Variants in YWHAG observed in about 807,000 individuals in gnomAD.
YWHAG encodes tyrosine 3-monooxygenase/tryptophan 5-monooxygenase activation protein gamma.
Under a neutral mutation model 23.3 loss-of-function variants are expected in YWHAG, and 1 was observed. The ratio of observed to expected loss-of-function variants is 0.04; its 90% confidence interval spans 0.02 to 0.20. The LOEUF is 0.20. Among genes scored for constraint, YWHAG ranks in the 10% least tolerant of loss-of-function variants. YWHAG has a pLI of 1.00. For missense variants in YWHAG, 151 were observed against 338.6 expected, an observed-to-expected ratio of 0.45 and a Z score of 4.35; for synonymous variants, 160 against 144.0, an observed-to-expected ratio of 1.11 and a Z score of -0.80.
At chr7:76,342,875 A>G (rs1186809780) in intron 1 of YWHAG, among the ~76,000 whole-genome samples, 1 of 152,022 alleles carries the variant, frequency 6.6e-6, no homozygotes, top group African/African-American at 2.4e-5. Context: ...AGTGGCTCAC[A>G]CCTGTAATCC....
chr7:76,330,842 T>C (rs1583982098), intron 1 of YWHAG, among the ~76,000 whole-genome samples: 1 of 152,086 alleles, frequency 6.6e-6, no homozygotes, highest in Admixed American at 6.6e-5. Context: ...CAACCAGCAA[T>C]ACAAAAGAAC....
At chr7:76,354,439 AG>A (rs1293134123) in intron 1 of YWHAG, among the ~76,000 whole-genome samples, 1 of 151,954 alleles carries the variant, frequency 6.6e-6, no homozygotes, top group African/African-American at 2.4e-5. Context: ...TGAACCTGGG[AG>A]GCAGAGGTTG....
chr7:76,343,323 T>C (rs921216044), intron 1 of YWHAG, among the ~76,000 whole-genome samples: 2 of 150,444 alleles, frequency 1.3e-5, no homozygotes, highest in African/African-American at 4.8e-5. Context: ...GCACATATTG[T>C]GGAAGCAGAA....
chr7:76,347,538 A>G (rs1803798415), intron 1 of YWHAG, among the ~76,000 whole-genome samples: 1 of 152,156 alleles, frequency 6.6e-6, no homozygotes, highest in Non-Finnish European at 1.5e-5. Context: ...GTGAGCTGAG[A>G]TCGTGCCATT....
In YWHAG at chr7:76,329,489, T is replaced by TGCCG; in HGVS notation, c.*87_*88insCGGC. 7.8e-6 allele frequency: 8 copies of TGCCG among 1,024,220 alleles called. No individual in the cohort carries two copies. Among genetic ancestry groups the TGCCG allele is most frequent in the Non-Finnish European group, 8.1e-6 (6 of 740,074 alleles). 63.4% of individuals were successfully genotyped at this position (1,024,220 alleles called of 1,614,324 possible). On this transcript the variant is annotated 3_prime_UTR_variant, in exon 2 of 2. Transcript: ENST00000307630. The surrounding 1 kb of genome is among the most constrained non-coding windows in gnomAD (Gnocchi z 6.1). ...TCCCTGGGAAGGTCATCCCTCCCTT[T>TGCCG]CCCTCCCCCACCCGACCCCCAACTC...
chr7:76,353,324 G>A (rs753272492), intron 1 of YWHAG, among the ~76,000 whole-genome samples: 2 of 151,560 alleles, frequency 1.3e-5, no homozygotes, highest in East Asian at 1.9e-4. Context: ...GTAATTCTCC[G>A]GCCTCAGCCT....
At chr7:76,353,912 C>T (rs1298750918) in intron 1 of YWHAG, among the ~76,000 whole-genome samples, 2 of 151,572 alleles carry the variant, frequency 1.3e-5, no homozygotes, top group Non-Finnish European at 2.9e-5. Context: ...CTACAAAAAA[C>T]GGTACAAAAA....
At chr7:76,341,789 T>C (rs959936178) in intron 1 of YWHAG, among the ~76,000 whole-genome samples, 1 of 152,176 alleles carries the variant, frequency 6.6e-6, no homozygotes, top group Non-Finnish European at 1.5e-5. Context: ...TTTGGGTTGA[T>C]GGCATGTTCT....
rs1156690516 is a variant in YWHAG, at chr7:76,358,817, G to T, written c.-9C>A. 6.3e-7 allele frequency: 1 copy of T among 1,589,422 alleles called. No homozygotes were observed. The highest frequency in any genetic ancestry group is 1.8e-5 in the Admixed American group (1 of 57,098). The stretch of plus-strand genomic sequence containing the variant: ...TGCTCGCGGTCCACCATCTTCGCGG[G>T]GCTGGGTCTGGCCGGAGAAGGAGGA... On this transcript the variant is annotated 5_prime_UTR_variant, in exon 1 of 2. Transcript: ENST00000307630.
In YWHAG at chr7:76,329,478, ATCCCTCCCTT is replaced by A; in HGVS notation, c.*89_*98del. 1.6e-6 allele frequency: 2 copies of A among 1,244,440 alleles called. No individual in the cohort carries two copies. The highest frequency in any genetic ancestry group is 2.2e-6 in the Non-Finnish European group (2 of 920,116). 77.1% of individuals were successfully genotyped at this position (1,244,440 alleles called of 1,614,324 possible). The stretch of plus-strand genomic sequence containing the variant: ...TCGTGGGTTTCTCCCTGGGAAGGTC[ATCCCTCCCTT>A]TCCCTCCCCCACCCGACCCCCAACT... On this transcript the variant is annotated 3_prime_UTR_variant, in exon 2 of 2. Transcript: ENST00000307630. This position sits in a 1 kb window ranked among gnomAD's most constrained non-coding sequence, Gnocchi z 6.1.
At chr7:76,334,513 G>A (rs965944515) in intron 1 of YWHAG, among the ~76,000 whole-genome samples, 1 of 147,458 alleles carries the variant, frequency 6.8e-6, no homozygotes, top group African/African-American at 2.5e-5. Context: ...CTGCAGCCAC[G>A]CCACAAACTC....
chr7:76,343,793 C>T (rs1050802915), intron 1 of YWHAG, among the ~76,000 whole-genome samples: 2 of 152,168 alleles, frequency 1.3e-5, no homozygotes, highest in African/African-American at 2.4e-5. Flanking sequence ...GACCTTCCAC[C>T]ACCACGTGAA....
chr7:76,340,368 G>A (rs1189811552), intron 1 of YWHAG, among the ~76,000 whole-genome samples: 1 of 152,108 alleles, frequency 6.6e-6, no homozygotes, highest in Admixed American at 6.5e-5. Context: ...ATGCTTATGA[G>A]CATTTTTTTG....
chr7:76,354,099 A>G (rs1231199868), intron 1 of YWHAG, among the ~76,000 whole-genome samples: 1 of 151,376 alleles, frequency 6.6e-6, no homozygotes, highest in Admixed American at 6.6e-5. Context: ...AAACGCACAC[A>G]TAATTATAGA....
intron 1 of YWHAG, among the ~76,000 whole-genome samples, chr7:76,353,910 A>T (rs1239638712): frequency 6.6e-6 from 1 of 151,930 alleles, no homozygotes; most frequent in East Asian, 1.9e-4. Flanking sequence ...TCCTACAAAA[A>T]ACGGTACAAA....
chr7:76,334,727 TAA>T (rs562043163), intron 1 of YWHAG, among the ~76,000 whole-genome samples: 2 of 138,714 alleles, frequency 1.4e-5, no homozygotes, highest in Non-Finnish European at 1.6e-5. Context: ...TCTTCTTCTT[TAA>T]AAAAAAAAAG....
At chr7:76,332,886 T>G (rs1371225148) in intron 1 of YWHAG, among the ~76,000 whole-genome samples, 1 of 152,166 alleles carries the variant, frequency 6.6e-6, no homozygotes, top group South Asian at 2.1e-4. Flanking sequence ...GTATTTTTAG[T>G]AGAGACAGCG....
At chr7:76,338,880 C>A (rs1013345306) in intron 1 of YWHAG, among the ~76,000 whole-genome samples, 1 of 152,174 alleles carries the variant, frequency 6.6e-6, no homozygotes, top group African/African-American at 2.4e-5. Flanking sequence ...CTAAAAATCA[C>A]CTGTGCATTC....
chr7:76,332,796 C>G (rs374668527), intron 1 of YWHAG, among the ~76,000 whole-genome samples: 106 of 151,830 alleles, frequency 7.0e-4, no homozygotes, highest in Non-Finnish European at 1.4e-3. Context: ...AACCTCCCCC[C>G]AAGTTCAAGC....
Sources: allele counts gnomAD v4.1 joint callset (sites outside exome capture counted in the v4.1 genomes callset), GRCh38; gene constraint gnomAD v4.1.1; non-coding constraint Gnocchi (gnomAD v3.1); transcripts MANE v1.5; gene names NCBI Gene and HGNC (gene_info 2026-07-23, HGNC 2026-07-21).